FBXL7: variants seen among roughly 807,000 people sequenced by gnomAD.
The protein encoded by FBXL7 is F-box and leucine rich repeat protein 7, also known as F-box/LRR-repeat protein 7.
In FBXL7, 12 loss-of-function variants were observed where a neutral mutation model predicts 38.3. The observed-to-expected ratio is 0.31, with a 90% CI of 0.20 to 0.51. FBXL7 has a LOEUF of 0.51. FBXL7 is among the 20% of genes least tolerant of loss of function. The pLI is 0.98. For missense variants in FBXL7, 567 were observed against 676.4 expected (o/e 0.84, Z 1.79); for synonymous variants, 297 against 300.9 (o/e 0.99, Z 0.13).
chr5:15,620,230 C>CTTTTTTTTT (rs796293132), intron 2 of FBXL7, among the ~76,000 whole-genome samples: 13 of 134,142 alleles, frequency 9.7e-5, no homozygotes, highest in Non-Finnish European at 1.1e-4. Flanking sequence ...TTCTTTTTTT[C>CTTTTTTTTT]TTTTTTTTTT....
At chr5:15,612,490 C>T (rs1429031) in intron 1 of FBXL7, among the ~76,000 whole-genome samples, 4,504 of 152,202 alleles carry the variant, frequency 0.03, 108 homozygotes, top group East Asian at 0.052. Context: ...CACATGTCCT[C>T]ACGTGTGTCT....
intron 2 of FBXL7, among the ~76,000 whole-genome samples, chr5:15,621,965 AC>A (rs1740662415): frequency 6.6e-6 from 1 of 152,202 alleles, no homozygotes; most frequent in Admixed American, 6.5e-5. Flanking sequence ...TCATTGTGTT[AC>A]GTGCTAAAAG....
Position 15,737,018 on chromosome 5 carries a change from C to T in FBXL7, c.127+120946C>T, listed in dbSNP as rs191850303. 6.5e-3 allele frequency among the ~76,000 whole-genome samples: 984 copies of T among 152,244 alleles called. 4 individuals are homozygous for T. Among genetic ancestry groups the T allele is most frequent in the Non-Finnish European group, 8.9e-3 (608 of 68,012 alleles). The stretch of plus-strand genomic sequence containing the variant: ...CATGAGGTAGATGCAGTTATCCTTC[C>T]ATTTCATCACTGAGGAAATGGTAGC... On this transcript the variant is annotated intron_variant, in intron 2 of 3. Coordinates refer to ENST00000504595, the MANE Select transcript of FBXL7 (RefSeq NM_012304.5).
chr5:15,514,744 G>GCC (rs1233967720), intron 1 of FBXL7, among the ~76,000 whole-genome samples: 2 of 152,112 alleles, frequency 1.3e-5, no homozygotes, highest in Non-Finnish European at 2.9e-5. Context: ...ACATGTCCCT[G>GCC]CCCCCGGCTG....
intron 1 of FBXL7, among the ~76,000 whole-genome samples, chr5:15,571,092 T>TA (rs397996852): frequency 0.39 from 50,381 of 129,094 alleles, 9,697 homozygotes; most frequent in African/African-American, 0.49. Context: ...ATTCTGTCTT[T>TA]AAAAAAAAAA....
intron 1 of FBXL7, among the ~76,000 whole-genome samples, chr5:15,528,826 T>C (rs1737330483): frequency 1.3e-5 from 2 of 152,178 alleles, no homozygotes; most frequent in Admixed American, 6.5e-5. Context: ...ATTGACAAAA[T>C]TGTATATATT....
intron 2 of FBXL7, among the ~76,000 whole-genome samples, chr5:15,662,525 A>G (rs1476374661): frequency 5.3e-5 from 8 of 151,770 alleles, no homozygotes; most frequent in Non-Finnish European, 7.4e-5. Context: ...CCACTTTTCA[A>G]TTTTTGCTAT....
chr5:15,657,275 A>G (rs927166563), intron 2 of FBXL7, among the ~76,000 whole-genome samples: 1 of 152,202 alleles, frequency 6.6e-6, no homozygotes, highest in Non-Finnish European at 1.5e-5. Context: ...TGCCCAGAAA[A>G]TGTTGCCCTA....
At chr5:15,555,650 G>A (rs1213941984) in intron 1 of FBXL7, among the ~76,000 whole-genome samples, 1 of 151,828 alleles carries the variant, frequency 6.6e-6, no homozygotes, top group East Asian at 1.9e-4. Context: ...AGAAAATATT[G>A]TTCCCCAAAC....
At chr5:15,597,195 T>A (rs1739648556) in intron 1 of FBXL7, among the ~76,000 whole-genome samples, 1 of 152,146 alleles carries the variant, frequency 6.6e-6, no homozygotes, top group South Asian at 2.1e-4. Context: ...GCTGCAGAAT[T>A]GATTGCTTGC....
At chr5:15,505,380 T>C (rs547658411) in intron 1 of FBXL7, among the ~76,000 whole-genome samples, 2 of 152,182 alleles carry the variant, frequency 1.3e-5, no homozygotes, top group Non-Finnish European at 2.9e-5. Context: ...CAGCTCTATC[T>C]AAGCCCAGAG....
intron 2 of FBXL7, among the ~76,000 whole-genome samples, chr5:15,773,527 GTCC>G (rs1228586524): frequency 6.6e-6 from 1 of 151,826 alleles, no homozygotes; most frequent in Non-Finnish European, 1.5e-5. Context: ...TGTGCATATG[GTCC>G]CAGCTACTCA....
chr5:15,881,868 A>T (rs942515327), intron 2 of FBXL7, among the ~76,000 whole-genome samples: 1 of 152,224 alleles, frequency 6.6e-6, no homozygotes, highest in African/African-American at 2.4e-5. Context: ...TGGGTAATTT[A>T]TAAAGAAAAG....
chr5:15,512,823 T>G (rs1580345333), intron 1 of FBXL7, among the ~76,000 whole-genome samples: 1 of 152,302 alleles, frequency 6.6e-6, no homozygotes, highest in East Asian at 1.9e-4. Context: ...AATTATGTTG[T>G]TTTGTAGTAT....
intron 3 of FBXL7, among the ~76,000 whole-genome samples, chr5:15,933,927 G>A (rs527859227): frequency 5.3e-5 from 8 of 152,124 alleles, no homozygotes; most frequent in Non-Finnish European, 8.8e-5. Flanking sequence ...ATACAGCCTC[G>A]GTAGTAGAAT....
intron 1 of FBXL7, among the ~76,000 whole-genome samples, chr5:15,541,463 A>G (rs1015354305): frequency 2.4e-5 from 3 of 123,754 alleles, no homozygotes; most frequent in Admixed American, 1.6e-4. Context: ...ATATATATAT[A>G]TATATATATA....
chr5:15,897,013 A>G (rs1240308810), intron 2 of FBXL7, among the ~76,000 whole-genome samples: 1 of 152,174 alleles, frequency 6.6e-6, no homozygotes, highest in Admixed American at 6.5e-5. Context: ...ATGTGCCTGT[A>G]ATCCCAGCTG....
At chr5:15,689,439 A>G (rs1003345712) in intron 2 of FBXL7, among the ~76,000 whole-genome samples, 4 of 152,134 alleles carry the variant, frequency 2.6e-5, no homozygotes, top group Non-Finnish European at 5.9e-5. Context: ...ATCTAAAACC[A>G]GTATCAGTGG....
Position 15,817,170 on chromosome 5 carries a change from CAT to C in FBXL7, c.128-110718_128-110717del, listed in dbSNP as rs1354996376. On this transcript the variant is annotated intron_variant, in intron 2 of 3. Transcript: ENST00000504595. Reference sequence around the variant, plus strand: ...ATGACATCCCTTACAACTTTGAAAACATAGTGAGAGGGAATATCTGAGGCTTT... The same window carrying C: ...ATGACATCCCTTACAACTTTGAAAACAGTGAGAGGGAATATCTGAGGCTTT... 2.6e-5 allele frequency among the ~76,000 whole-genome samples: 4 copies of C among 152,148 alleles called. No homozygotes were observed. The South Asian group carries it at 6.2e-4, about 24-fold the overall frequency.
Sources: gnomAD v4.1 joint callset for allele counts (sites outside exome capture counted in the v4.1 genomes callset) on GRCh38, gnomAD v4.1.1 for gene constraint, MANE v1.5 for transcripts, NCBI Gene and HGNC (gene_info 2026-07-23, HGNC 2026-07-21) for gene names.